DYRK1A: variants seen among roughly 807,000 people sequenced by gnomAD.
DYRK1A encodes the protein dual specificity tyrosine phosphorylation regulated kinase 1A.
Under a neutral mutation model 79.7 loss-of-function variants are expected in DYRK1A, and 9 were observed. That is an observed-to-expected ratio of 0.11 (90% CI 0.07 to 0.20). DYRK1A has a LOEUF of 0.20. Ranked by LOEUF, DYRK1A falls within the 10% of genes least tolerant of loss-of-function variation. The pLI, the probability that DYRK1A is intolerant of heterozygous loss-of-function variation, is 1.00. For synonymous variants in DYRK1A, 349 were observed against 329.7 expected, an observed-to-expected ratio of 1.06 and a Z score of -0.63; for missense variants, 622 against 956.0, an observed-to-expected ratio of 0.65 and a Z score of 4.61.
intron 2 of DYRK1A, among the ~76,000 whole-genome samples, chr21:37,453,328 A>C (rs8133809): frequency 6.6e-6 from 1 of 151,982 alleles, no homozygotes; most frequent in African/African-American, 2.4e-5. Flanking sequence ...ACATATGACT[A>C]TTGTTGACTG....
At chr21:37,499,181 T>A (rs534249294) in intron 9 of DYRK1A, among the ~76,000 whole-genome samples, 7 of 152,278 alleles carry the variant, frequency 4.6e-5, no homozygotes, top group African/African-American at 1.4e-4. Flanking sequence ...ATCTTTGCCA[T>A]CTCCAAGTTT....
rs1196955349 is a variant in DYRK1A at position 37,516,050 on chromosome 21, T to A, written c.*3519T>A. The A allele has an allele frequency of 6.6e-6, 1 of 152,196 alleles. No homozygotes were observed. Among genetic ancestry groups the A allele is most frequent in the Admixed American group, 6.5e-5 (1 of 15,280 alleles). The allele number at this position is 152,196 out of a possible 1,614,324, so 9.4% of individuals were successfully genotyped here. ...ACTCAGTTCTAGGCCAGTTTCTCAG[T>A]TTCCTTTGGGCCTGCCTTTATTTTG... is the stretch of plus-strand genomic sequence containing the variant. On this transcript the variant is annotated 3_prime_UTR_variant, in exon 12 of 12. Transcript: ENST00000647188.
chr21:37,440,443 G>C (rs1308130173), intron 2 of DYRK1A, among the ~76,000 whole-genome samples: 1 of 151,816 alleles, frequency 6.6e-6, no homozygotes, highest in Non-Finnish European at 1.5e-5. Flanking sequence ...AGCTTCATTT[G>C]CTCTTTTTCT....
intron 2 of DYRK1A, among the ~76,000 whole-genome samples, chr21:37,437,737 G>T (rs1601086326): frequency 6.6e-6 from 1 of 152,010 alleles, no homozygotes; most frequent in East Asian, 1.9e-4. Flanking sequence ...ATATACTTTG[G>T]TTTATCCACT....
At chr21:37,490,573 G>A in intron 7 of DYRK1A, 112 bp downstream of exon 7, 1 of 609,086 alleles carries the variant, frequency 1.6e-6, no homozygotes, top group South Asian at 7.8e-5. Flanking sequence ...CATTGCAGTT[G>A]CTGTTTTTGC....
At chr21:37,480,233 A>AG (rs757866114) in intron 4 of DYRK1A, among the ~76,000 whole-genome samples, 2 of 152,216 alleles carry the variant, frequency 1.3e-5, no homozygotes, top group Non-Finnish European at 2.9e-5. Context: ...ATTGACTGGA[A>AG]GGGGGCATGA....
chr21:37,411,313 G>A (rs963653100), intron 1 of DYRK1A, among the ~76,000 whole-genome samples: 13 of 152,044 alleles, frequency 8.6e-5, no homozygotes, highest in Admixed American at 3.3e-4. Context: ...CTGAGATCAC[G>A]CCATTGCACT....
chr21:37,368,530 G>T (rs1296433200), intron 1 of DYRK1A, among the ~76,000 whole-genome samples: 1 of 152,236 alleles, frequency 6.6e-6, no homozygotes, highest in Non-Finnish European at 1.5e-5. Flanking sequence ...GCACAGCGCA[G>T]GAATGCTAGC....
intron 2 of DYRK1A, among the ~76,000 whole-genome samples, chr21:37,448,413 A>AT (rs1189488771): frequency 6.6e-6 from 1 of 152,196 alleles, no homozygotes; most frequent in African/African-American, 2.4e-5. Flanking sequence ...CCTGGTCCCC[A>AT]TTTCAGGCCT....
chr21:37,476,331 T>C (rs962887927), intron 3 of DYRK1A, among the ~76,000 whole-genome samples: 1 of 152,238 alleles, frequency 6.6e-6, no homozygotes, highest in Non-Finnish European at 1.5e-5. Context: ...ATATGCATGC[T>C]AAAAACATGT....
intron 11 of DYRK1A, 93 bp from the exon 12 acceptor site, chr21:37,511,818 T>G (rs2053756604): frequency 2.1e-6 from 3 of 1,397,480 alleles, no homozygotes; most frequent in Middle Eastern, 1.8e-4. Flanking sequence ...CTGATTAATA[T>G]GATGCTAGTT....
At chr21:37,430,525 CAA>C (rs1230707554) in intron 2 of DYRK1A, 13 of 490,198 alleles carry the variant, frequency 2.7e-5, no homozygotes, top group Non-Finnish European at 3.2e-5. Context: ...TTGCCCAACT[CAA>C]GAGCCAGAGT....
At chr21:37,368,036 G>A (rs2049350628) in intron 1 of DYRK1A, 1 of 153,058 alleles carries the variant, frequency 6.5e-6, no homozygotes, top group African/African-American at 2.4e-5. Context: ...GGAACCGCCG[G>A]GGTGATTCGC....
intron 2 of DYRK1A, among the ~76,000 whole-genome samples, chr21:37,464,483 T>G (rs771017243): frequency 2.0e-5 from 3 of 152,200 alleles, no homozygotes; most frequent in Non-Finnish European, 4.4e-5. Context: ...CATGCATGAT[T>G]TTCTCCAACA....
Position 37,463,706 on chromosome 21 carries a change from A to G in DYRK1A, c.11-8978A>G, listed in dbSNP as rs566542179. 3.3e-5 allele frequency among the ~76,000 whole-genome samples: 5 copies of G among 152,304 alleles called. No homozygotes were observed. In the South Asian group the frequency reaches 1.0e-3, roughly 32 times the overall value. On this transcript the variant is annotated intron_variant, in intron 2 of 11. Coordinates refer to ENST00000647188, the MANE Select transcript of DYRK1A (RefSeq NM_001347721.2). ...ATAAAATCGTGAACAAAGCTTACTC[A>G]TGGACTTTCGTTCACTTACCCTCTT...
At chr21:37,460,265 A>T (rs183397264) in intron 2 of DYRK1A, among the ~76,000 whole-genome samples, 224 of 152,284 alleles carry the variant, frequency 1.5e-3, no homozygotes, top group Middle Eastern at 3.4e-3. Context: ...TTGACATTTT[A>T]AAAATCTCCT....
Position 37,412,960 on chromosome 21 carries a change from A to G in DYRK1A, c.-76-7339A>G, listed in dbSNP as rs141523728. Among the ~76,000 whole-genome samples the G allele has an allele frequency of 1.8e-4, 28 of 152,294 alleles. No individual in the cohort carries two copies. The East Asian group carries it at 4.4e-3, about 24-fold the overall frequency. ...CATTGAAAATACTTCTTTTGCAGGGAAAGATGTATAGAGAAATGAGTGAAG... is the reference window on the plus strand; with the variant it reads ...CATTGAAAATACTTCTTTTGCAGGGGAAGATGTATAGAGAAATGAGTGAAG... On this transcript the variant is annotated intron_variant, in intron 1 of 11. Coordinates refer to ENST00000647188, the MANE Select transcript of DYRK1A (RefSeq NM_001347721.2).
At chr21:37,376,649 A>G (rs777983003) in intron 1 of DYRK1A, among the ~76,000 whole-genome samples, 3 of 152,096 alleles carry the variant, frequency 2.0e-5, no homozygotes, top group Non-Finnish European at 4.4e-5. Context: ...CACTGTGGGT[A>G]ATTCTGCCTA....
chr21:37,525,685 C>T lies in DYRK1A; in HGVS notation c.*13154C>T, dbSNP rs2053963268. 6.6e-6 allele frequency: 1 copy of T among 152,186 alleles called. No individual in the cohort carries two copies. The highest frequency in any genetic ancestry group is 2.4e-5 in the African/African-American group (1 of 41,452). 9.4% of individuals were successfully genotyped at this position (152,186 alleles called of 1,614,324 possible). ...GTGAGAAATATTTGAATCTATCATGCATTATTGAACCAGTATTGTCAATAG... is the reference window on the plus strand; with the variant it reads ...GTGAGAAATATTTGAATCTATCATGTATTATTGAACCAGTATTGTCAATAG... On this transcript the variant is annotated 3_prime_UTR_variant, in exon 12 of 12. Coordinates refer to ENST00000647188, the MANE Select transcript of DYRK1A (RefSeq NM_001347721.2).
Sources: gnomAD v4.1 joint callset for allele counts (sites outside exome capture counted in the v4.1 genomes callset) on GRCh38, gnomAD v4.1.1 for gene constraint, MANE v1.5 for transcripts, NCBI Gene and HGNC (gene_info 2026-07-23, HGNC 2026-07-21) for gene names.